The following STX17 variants were observed in gnomAD, a reference collection of about 807,000 sequenced individuals.
The protein encoded by STX17 is syntaxin 17.
In STX17, 29 loss-of-function variants were observed where a neutral mutation model predicts 35.9. The ratio of observed to expected loss-of-function variants is 0.81; its 90% CI spans 0.60 to 1.10. STX17 has a LOEUF of 1.10. Ranked by LOEUF, STX17 falls within the 50% of genes least tolerant of loss-of-function variation. STX17 has a pLI of 0.00. For synonymous variants in STX17, 92 were observed against 118.3 expected, an observed-to-expected ratio of 0.78 and a Z score of 1.44; for missense variants, 312 against 352.3, an observed-to-expected ratio of 0.89 and a Z score of 0.92.
chr9:99,918,155 A>T (rs1828814237), intron 2 of STX17, among the ~76,000 whole-genome samples: 1 of 152,188 alleles, frequency 6.6e-6, no homozygotes, highest in South Asian at 2.1e-4. Flanking sequence ...ATAGAGACAG[A>T]GTCTCACTCT....
intron 4 of STX17, among the ~76,000 whole-genome samples, chr9:99,956,074 A>C (rs1240891620): frequency 6.6e-6 from 1 of 152,156 alleles, no homozygotes; most frequent in African/African-American, 2.4e-5. Flanking sequence ...TGAATTGATT[A>C]GCGAGGTTTA....
chr9:99,955,422 T>C (rs1157188857), intron 4 of STX17, among the ~76,000 whole-genome samples: 1 of 152,082 alleles, frequency 6.6e-6, no homozygotes, highest in Non-Finnish European at 1.5e-5. Context: ...TAAGCCATGC[T>C]TAGAAGTAAT....
intron 3 of STX17, chr9:99,929,052 TACA>T: frequency 2.1e-6 from 1 of 485,218 alleles, no homozygotes; most frequent in Non-Finnish European, 3.7e-6. Context: ...CCAGAAATGA[TACA>T]CAGACTTATA....
At chr9:99,963,759 C>A (rs1226597106) in intron 6 of STX17, among the ~76,000 whole-genome samples, 1 of 152,190 alleles carries the variant, frequency 6.6e-6, no homozygotes, top group Non-Finnish European at 1.5e-5. Context: ...TTAGCAACAT[C>A]CTACTTATCT....
intron 1 of STX17, among the ~76,000 whole-genome samples, chr9:99,910,211 CAA>C (rs1190454872): frequency 7.3e-6 from 1 of 136,090 alleles, no homozygotes; most frequent in African/African-American, 2.8e-5. Context: ...CCAGCCTGGG[CAA>C]AAGAGTGAGA....
chr9:99,963,856 T>TTG (rs1351468244), intron 6 of STX17, among the ~76,000 whole-genome samples: 3 of 152,138 alleles, frequency 2.0e-5, no homozygotes, highest in African/African-American at 7.2e-5. Flanking sequence ...CTGGGCCTTT[T>TTG]TGTGTATATG....
intron 2 of STX17, among the ~76,000 whole-genome samples, chr9:99,916,366 A>G (rs1828769742): frequency 6.6e-6 from 1 of 152,170 alleles, no homozygotes; most frequent in African/African-American, 2.4e-5. Flanking sequence ...TTTTCCCAGC[A>G]TAAGTCTTAA....
intron 6 of STX17, among the ~76,000 whole-genome samples, chr9:99,960,970 A>G (rs900597442): frequency 1.3e-5 from 2 of 152,150 alleles, no homozygotes; most frequent in Non-Finnish European, 2.9e-5. Context: ...ATGAGTAAAT[A>G]TCCACTGGGG....
At chr9:99,955,817 A>T (rs775840501) in intron 4 of STX17, among the ~76,000 whole-genome samples, 1 of 152,064 alleles carries the variant, frequency 6.6e-6, no homozygotes, top group Non-Finnish European at 1.5e-5. Flanking sequence ...TGTGGGTGGG[A>T]GTACCTGAGA....
At chr9:99,953,231 G>C (rs1829640455) in intron 4 of STX17, among the ~76,000 whole-genome samples, 1 of 152,052 alleles carries the variant, frequency 6.6e-6, no homozygotes, top group Non-Finnish European at 1.5e-5. Flanking sequence ...TAGGCCACTA[G>C]TCAGAGTTTC....
chr9:99,956,948 A>T (rs1373627813), intron 4 of STX17, among the ~76,000 whole-genome samples: 2 of 152,240 alleles, frequency 1.3e-5, no homozygotes, highest in Admixed American at 6.5e-5. Flanking sequence ...TTTTAGGAGT[A>T]GATCAGATGC....
chr9:99,972,073 TA>T lies in STX17; in HGVS notation c.*3406del, dbSNP rs1161895414. On this transcript the variant is annotated 3_prime_UTR_variant, in exon 8 of 8. Transcript: ENST00000259400. ...CACATTCCATTCATTTGCATCTTTT[TA>T]AAAAACTTCTGATTCCTTACTGAGT... Among the ~76,000 whole-genome samples, 6 of 152,208 alleles carry T rather than the reference TA, an allele frequency of 3.9e-5. No individual in the cohort carries two copies. In the East Asian group the frequency reaches 5.8e-4, roughly 15 times the overall value.
At chr9:99,959,893 C>T (rs753627194) in intron 4 of STX17, 24 bp from the exon 5 acceptor site, 2 of 1,527,056 alleles carry the variant, frequency 1.3e-6, no homozygotes, top group African/African-American at 1.4e-5. Context: ...AAACTCTAAA[C>T]ATGGGGTTAT....
chr9:99,913,402 T>C (rs1424847704), intron 1 of STX17, among the ~76,000 whole-genome samples: 1 of 152,116 alleles, frequency 6.6e-6, no homozygotes, highest in African/African-American at 2.4e-5. Flanking sequence ...AGTGATTTCT[T>C]CCAATCAATA....
At chr9:99,911,004 C>CCAT (rs1169374442) in intron 1 of STX17, among the ~76,000 whole-genome samples, 3 of 151,880 alleles carry the variant, frequency 2.0e-5, no homozygotes, top group Non-Finnish European at 4.4e-5. Context: ...GATGTTCCAT[C>CCAT]CATGTTGTTG....
rs1248636956 is a variant in STX17, at chr9:99,951,071, C to T, written c.201C>T (p.Ser67=). ...NAGRTVQQLR[S]NIREIEKLCL... ...TTTTTCTTTTATAGCAACTCCGATC[C>T]AATATCCGAGAAATTGAGAAACTTT... Residue 67 remains serine (S), a synonymous_variant, in exon 4 of 8, where the codon TCC becomes TCT. Coordinates refer to ENST00000259400, the MANE Select transcript of STX17 (RefSeq NM_017919.3). 6.2e-7 allele frequency: 1 copy of T among 1,607,772 alleles called. No homozygotes were observed. Among genetic ancestry groups the T allele is most frequent in the Non-Finnish European group, 8.5e-7 (1 of 1,177,070 alleles).
At chr9:99,965,190 G>T (rs953052595) in intron 6 of STX17, among the ~76,000 whole-genome samples, 2 of 152,136 alleles carry the variant, frequency 1.3e-5, no homozygotes, top group African/African-American at 4.8e-5. Context: ...CTCAGGATTG[G>T]TTTTTTGCCT....
intron 1 of STX17, among the ~76,000 whole-genome samples, chr9:99,913,426 T>C (rs1373108363): frequency 2.6e-5 from 4 of 152,130 alleles, no homozygotes; most frequent in Non-Finnish European, 5.9e-5. Flanking sequence ...GTTTCTTATC[T>C]ATATAATTTA....
chr9:99,956,829 A>T (rs1260630016), intron 4 of STX17, among the ~76,000 whole-genome samples: 3 of 152,236 alleles, frequency 2.0e-5, no homozygotes, highest in Non-Finnish European at 4.4e-5. Context: ...AAGCATTCAT[A>T]GGCTTTAAAG....
Sources: allele counts gnomAD v4.1 joint callset (sites outside exome capture counted in the v4.1 genomes callset), GRCh38; gene constraint gnomAD v4.1.1; transcripts MANE v1.5; gene names NCBI Gene and HGNC (gene_info 2026-07-23, HGNC 2026-07-21).